KIFBP: variants seen among roughly 807,000 people sequenced by gnomAD.
The protein encoded by KIFBP is kinesin family binding protein.
A neutral mutation model predicts 58.9 loss-of-function variants in KIFBP; 46 were observed. That is an observed-to-expected ratio of 0.78 (90% CI 0.62 to 1.00). The LOEUF (loss-of-function observed/expected upper bound fraction) is 1.00, where lower values mean the gene tolerates loss of function less well. Among genes scored for constraint, KIFBP ranks in the 50% least tolerant of loss-of-function variants. The pLI, the probability that KIFBP is intolerant of heterozygous loss-of-function variation, is 0.00. For missense variants in KIFBP, 651 were observed against 752.9 expected (o/e 0.86, Z 1.58); for synonymous variants, 241 against 283.4 (o/e 0.85, Z 1.50).
chr10:69,006,326 C>T (rs1843536078), intron 4 of KIFBP, among the ~76,000 whole-genome samples: 1 of 152,102 alleles, frequency 6.6e-6, no homozygotes, highest in African/African-American at 2.4e-5. Context: ...TTGATAAAAG[C>T]ATGTGATGCA....
intron 6 of KIFBP, 194 bp downstream of exon 6, chr10:69,011,209 G>A (rs187508346): frequency 4.7e-5 from 26 of 551,850 alleles, no homozygotes; most frequent in South Asian, 1.1e-4. Context: ...CAGAGGCTGC[G>A]TGAGCCGAGA....
At chr10:69,001,398 G>A (rs893563957) in intron 2 of KIFBP, among the ~76,000 whole-genome samples, 3 of 152,076 alleles carry the variant, frequency 2.0e-5, no homozygotes, top group African/African-American at 7.2e-5. Context: ...AATATGAAAG[G>A]GAAATAATCA....
chr10:69,001,578 A>G (rs1348984743), intron 2 of KIFBP, among the ~76,000 whole-genome samples: 1 of 151,652 alleles, frequency 6.6e-6, no homozygotes, highest in African/African-American at 2.4e-5. Context: ...AACATGGTGA[A>G]ATCCCATCTC....
chr10:69,016,277 A>T lies in KIFBP; in HGVS notation c.1727A>T (p.Tyr576Phe). The part of the protein sequence containing the change: ...LENLATSLEH[Y>F]KFIVDYCEKH... ...AATTTGGCAACATCATTGGAACATT[A>T]CAAATTTATTGTTGATTACTGTGAA... Residue 576 changes from tyrosine to phenylalanine, a missense_variant, in exon 7 of 7, where the codon TAC becomes TTC. Transcript: ENST00000361983. 2.5e-6 allele frequency: 4 copies of T among 1,602,348 alleles called. No homozygotes were observed. Among genetic ancestry groups the T allele is most frequent in the Non-Finnish European group, 3.4e-6 (4 of 1,174,964 alleles).
chr10:69,006,179 C>T (rs981442063), intron 4 of KIFBP, among the ~76,000 whole-genome samples: 1 of 152,048 alleles, frequency 6.6e-6, no homozygotes, highest in South Asian at 2.1e-4. Context: ...AACATAGGCA[C>T]GCTATCTCAA....
chr10:69,002,729 TA>T (rs1174889732), intron 2 of KIFBP, among the ~76,000 whole-genome samples: 2 of 146,886 alleles, frequency 1.4e-5, no homozygotes. Context: ...CTACAAAAAC[TA>T]AAAAAAAATT....
chr10:69,015,876 A>G lies in KIFBP; in HGVS notation c.1326A>G (p.Arg442=), dbSNP rs143815412. The G allele has an allele frequency of 1.7e-3, 2,770 of 1,614,154 alleles. 5 individuals are homozygous for G. Among genetic ancestry groups the G allele is most frequent in the Non-Finnish European group, 2.2e-3 (2,624 of 1,180,026 alleles). Residue 442 remains arginine, a synonymous_variant, in exon 7 of 7, where the codon AGA becomes AGG. Transcript: ENST00000361983. ...VLAFFETDME[R]RCKMHKRRIA... is the part of the protein sequence containing the mutation. ...CATTCTTTGAAACTGACATGGAGAG[A>G]CGGTGCAAGATGCATAAACGCAGAA...
chr10:68,996,507 G>T (rs1394928142), intron 1 of KIFBP, among the ~76,000 whole-genome samples: 1 of 152,168 alleles, frequency 6.6e-6, no homozygotes, highest in Non-Finnish European at 1.5e-5. Context: ...GTTGCAGTGA[G>T]TTGAGATTGT....
intron 4 of KIFBP, among the ~76,000 whole-genome samples, chr10:69,008,377 TAAAA>T (rs1211667916): frequency 6.6e-5 from 5 of 75,420 alleles, no homozygotes; most frequent in Non-Finnish European, 8.6e-5. Flanking sequence ...CCCTGTCTCG[TAAAA>T]AAAAAAAAAA....
rs897314674 is a variant in KIFBP at position 69,016,814 on chromosome 10, C to T, written c.*398C>T. 4 of 159,970 alleles carry T rather than the reference C, an allele frequency of 2.5e-5. No homozygotes were observed. Among genetic ancestry groups the T allele is most frequent in the Admixed American group, 2.5e-4 (4 of 16,132 alleles). The allele number at this position is 159,970 out of a possible 1,614,324, so 9.9% of individuals were successfully genotyped here. On this transcript the variant is annotated 3_prime_UTR_variant, in exon 7 of 7. Coordinates refer to ENST00000361983, the MANE Select transcript of KIFBP (RefSeq NM_015634.4). Reference sequence around the variant, plus strand: ...TGAAAAAGTAACTTCTATAGTTACTCCTTCTAAAATATTTGACTTCCTAAA... The same window carrying T: ...TGAAAAAGTAACTTCTATAGTTACTTCTTCTAAAATATTTGACTTCCTAAA...
rs2255607 is a variant in KIFBP at position 68,989,028 on chromosome 10, G to A, written c.196G>A (p.Gly66Ser). Residue 66 changes from glycine (G) to serine (S), a missense_variant, in exon 1 of 7, where the codon GGC becomes AGC. Physicochemically the swap from Gly to Ser is moderately conservative, Grantham distance 56 (BLOSUM62 0). Transcript: ENST00000361983. The stretch of plus-strand genomic sequence containing the variant: ...GGATGAGCGGCCTGAGGCCGAGGAC[G>A]GCCCGGGTGCCGGTGACCACGCCCT... ...DEDERPEAED[G>S]PGAGDHALGL... 0.46 allele frequency: 736,244 copies of A among 1,613,698 alleles called. 172,227 individuals are homozygous for A. The highest frequency in any genetic ancestry group is 0.49 in the Non-Finnish European group (580,177 of 1,179,806).
chr10:69,004,219 CAA>C (rs1164355898), intron 2 of KIFBP, among the ~76,000 whole-genome samples: 3,373 of 79,440 alleles, frequency 0.042, 134 homozygotes, highest in African/African-American at 0.15. Context: ...ACTCCATCTC[CAA>C]AAAAAAAAAA....
chr10:69,015,622 A>G lies in KIFBP; in HGVS notation c.1072A>G (p.Ile358Val), dbSNP rs1838987880. The part of the protein sequence containing the change: ...RKKELDEEES[I>V]RKKAVQFGTG... ...AAAAGAACTAGATGAGGAGGAAAGC[A>G]TTCGGAAAAAAGCTGTGCAGTTTGG... Residue 358 changes from isoleucine to valine, a missense_variant, in exon 7 of 7, where the codon ATT becomes GTT. Physicochemically the swap from Ile to Val is conservative, Grantham distance 29. Transcript: ENST00000361983. 1.9e-6 allele frequency: 3 copies of G among 1,613,814 alleles called. No individual in the cohort carries two copies. In the South Asian group the frequency reaches 3.3e-5, roughly 18 times the overall value.
At chr10:68,990,849 A>G (rs574004694) in intron 1 of KIFBP, among the ~76,000 whole-genome samples, 33 of 152,162 alleles carry the variant, frequency 2.2e-4, no homozygotes, top group Non-Finnish European at 4.4e-4. Context: ...AAATGTCAGT[A>G]GGAATATGAT....
intron 1 of KIFBP, among the ~76,000 whole-genome samples, chr10:68,993,071 G>A (rs1056348748): frequency 6.6e-6 from 1 of 152,274 alleles, no homozygotes; most frequent in East Asian, 1.9e-4. Flanking sequence ...ACAGACCAGT[G>A]TTGTTTCTGG....
At chr10:68,997,445 T>G (rs1843418431) in intron 1 of KIFBP, among the ~76,000 whole-genome samples, 1 of 152,116 alleles carries the variant, frequency 6.6e-6, no homozygotes, top group Non-Finnish European at 1.5e-5. Context: ...CCTTCTTTGC[T>G]CTCTCCCCTT....
intron 4 of KIFBP, among the ~76,000 whole-genome samples, chr10:69,008,391 A>AATATATATATATATATATATATAT (rs1173764355): frequency 1.5e-4 from 11 of 71,580 alleles, no homozygotes; most frequent in African/African-American, 7.0e-4. Flanking sequence ...AAAAAAAAAA[A>AATATATATATATATATATATATAT]ATATATATAT....
intron 2 of KIFBP, among the ~76,000 whole-genome samples, chr10:69,001,989 G>A (rs1843471589): frequency 6.6e-6 from 1 of 151,828 alleles, no homozygotes; most frequent in African/African-American, 2.4e-5. Context: ...GCGCAACACA[G>A]GAAGACCTCA....
chr10:69,005,673 A>AG (rs1404385226), intron 3 of KIFBP, 59 bp from the exon 4 acceptor site: 32 of 1,289,294 alleles, frequency 2.5e-5, no homozygotes, highest in Middle Eastern at 2.5e-4. Flanking sequence ...ACTCTGTCTC[A>AG]GGAAAAAAAA....
Sources: gnomAD v4.1 joint callset for allele counts (sites outside exome capture counted in the v4.1 genomes callset) on GRCh38, gnomAD v4.1.1 for gene constraint, MANE v1.5 for transcripts, NCBI Gene and HGNC (gene_info 2026-07-23, HGNC 2026-07-21) for gene names.